The following KAT6B variants were observed in gnomAD, a reference collection of about 807,000 sequenced individuals.
The protein encoded by KAT6B is histone acetyltransferase KAT6B.
Under a neutral mutation model 187.5 loss-of-function variants are expected in KAT6B, and 10 were observed. The ratio of observed to expected loss-of-function variants is 0.05; its 90% confidence interval spans 0.03 to 0.09. The LOEUF is 0.09. KAT6B is among the 10% of genes least tolerant of loss of function. The pLI, the probability that KAT6B is intolerant of heterozygous loss-of-function variation, is 1.00. For missense variants in KAT6B, 1,952 were observed against 2,558.9 expected, an observed-to-expected ratio of 0.76 and a Z score of 5.12; for synonymous variants, 861 against 926.8, an observed-to-expected ratio of 0.93 and a Z score of 1.29.
In KAT6B at chr10:74,843,302, C is replaced by G; in HGVS notation, c.445C>G (p.Gln149Glu). Reference sequence around the variant, plus strand: ...AAGCACCACCAACAACCCAGCCTTTCAGCAGCGGCTGCGACTGGGGGCCAA... The same window carrying G: ...AAGCACCACCAACAACCCAGCCTTTGAGCAGCGGCTGCGACTGGGGGCCAA... ...LTSTTNNPAF[Q>E]QRLRLGAKRA... The change falls in exon 3 of 18, where the codon CAG becomes GAG. Residue 149 changes from glutamine (Q) to glutamate (E), a missense_variant. Gln to Glu is a conservative substitution (Grantham distance 29, BLOSUM62 2). Around this residue, in one of 9 missense-constraint regions of KAT6B, gnomAD observed 218 missense variants for 282.6 expected, o/e 0.77. Transcript: ENST00000287239. The G allele has an allele frequency of 6.2e-7, 1 of 1,613,740 alleles. No homozygotes were observed. Among genetic ancestry groups the G allele is most frequent in the Non-Finnish European group, 8.5e-7 (1 of 1,179,854 alleles).
intron 3 of KAT6B, among the ~76,000 whole-genome samples, chr10:74,868,657 T>G (rs530845358): frequency 6.6e-6 from 1 of 152,218 alleles, no homozygotes; most frequent in Non-Finnish European, 1.5e-5. Context: ...CCCTAGAGCC[T>G]TTCGATTCAG....
In KAT6B at chr10:75,025,708, G is replaced by A. The variant is rs185314434; in HGVS notation, c.3664+459G>A. The A allele has an allele frequency of 2.6e-3, 547 of 212,662 alleles. 2 individuals are homozygous for A. Among genetic ancestry groups the A allele is most frequent in the Non-Finnish European group, 2.0e-3 (213 of 104,726 alleles). 13.2% of individuals were successfully genotyped at this position (212,662 alleles called of 1,614,324 possible). A position where few individuals can be genotyped will look rare whatever the true frequency, so the allele number is the denominator to read the frequency against. ...AGTACATTTTATAATCAGTAGTGTC[G>A]TAGTATATACTACTATAAAGATTCA... On this transcript the variant is annotated intron_variant, in intron 17 of 17. Coordinates refer to ENST00000287239, the MANE Select transcript of KAT6B (RefSeq NM_012330.4).
At chr10:74,951,314 T>TAG (rs567084854) in intron 3 of KAT6B, among the ~76,000 whole-genome samples, 2 of 152,124 alleles carry the variant, frequency 1.3e-5, no homozygotes, top group South Asian at 4.2e-4. Context: ...ATTTTTTAAG[T>TAG]AGAGACGGGG....
intron 3 of KAT6B, among the ~76,000 whole-genome samples, chr10:74,938,348 C>T (rs923306816): frequency 3.9e-5 from 6 of 152,172 alleles, no homozygotes; most frequent in African/African-American, 1.4e-4. Flanking sequence ...CCCCACCCCC[C>T]AGCTATCCCC....
chr10:74,989,261 T>C, intron 13 of KAT6B, 149 bp downstream of exon 13: 2 of 680,704 alleles, frequency 2.9e-6, no homozygotes, highest in East Asian at 5.5e-5. Flanking sequence ...GGTTAGAACA[T>C]CTTCCTCAAG....
At chr10:75,001,836 A>G (rs897046901) in intron 13 of KAT6B, among the ~76,000 whole-genome samples, 1 of 151,424 alleles carries the variant, frequency 6.6e-6, no homozygotes, top group Non-Finnish European at 1.5e-5. Flanking sequence ...GATTCCAGTA[A>G]GCCGTTTCAC....
chr10:74,886,701 C>G (rs1262160166), intron 3 of KAT6B, among the ~76,000 whole-genome samples: 1 of 152,202 alleles, frequency 6.6e-6, no homozygotes. Flanking sequence ...ACCTTACCTG[C>G]CCATTAAGTG....
At position 75,029,732 on chromosome 10, in the gene KAT6B, C is replaced by T. The variant is rs773357891; in HGVS notation, c.4908C>T (p.Ile1636=). 1 of 1,614,206 alleles carries T rather than the reference C, an allele frequency of 6.2e-7. No individual in the cohort carries two copies. Among genetic ancestry groups the T allele is most frequent in the Non-Finnish European group, 8.5e-7 (1 of 1,180,042 alleles). Residue 1636 remains isoleucine (I), a synonymous_variant, in exon 18 of 18, where the codon ATC becomes ATT. Coordinates refer to ENST00000287239, the MANE Select transcript of KAT6B (RefSeq NM_012330.4). The surrounding 1 kb of genome is among the most constrained non-coding windows in gnomAD (Gnocchi z 6.2). ...YAQISPDQSA[I]SVPSLQNMET... ...AAATCAGCCCAGATCAAAGTGCCAT[C>T]TCAGTGCCATCTCTGCAGAACATGG...
chr10:74,948,653 G>A (rs998890760), intron 3 of KAT6B, among the ~76,000 whole-genome samples: 1 of 152,180 alleles, frequency 6.6e-6, no homozygotes, highest in Non-Finnish European at 1.5e-5. Flanking sequence ...TGAATGCCTT[G>A]GGGCAACTGC....
intron 3 of KAT6B, among the ~76,000 whole-genome samples, chr10:74,918,043 T>A (rs1299429448): frequency 1.3e-5 from 2 of 152,238 alleles, no homozygotes; most frequent in African/African-American, 4.8e-5. Flanking sequence ...TCATACTTAA[T>A]GAGCATTTAA....
At chr10:74,867,053 T>A (rs1006550941) in intron 3 of KAT6B, among the ~76,000 whole-genome samples, 4 of 152,214 alleles carry the variant, frequency 2.6e-5, no homozygotes, top group Non-Finnish European at 5.9e-5. Context: ...TGTATGTTGG[T>A]TTATCATCAT....
At chr10:74,841,643 C>T (rs1466577315) in intron 2 of KAT6B, among the ~76,000 whole-genome samples, 3 of 152,104 alleles carry the variant, frequency 2.0e-5, no homozygotes. Context: ...GGGTGAATTC[C>T]ATCTTCTCCC....
At chr10:75,023,492 A>G (rs1349860640) in intron 16 of KAT6B, 4 of 152,256 alleles carry the variant, frequency 2.6e-5, no homozygotes, top group Non-Finnish European at 5.9e-5. Context: ...AAAACTATCA[A>G]AAACCAGAAT....
At chr10:74,905,493 T>G (rs1846690845) in intron 3 of KAT6B, among the ~76,000 whole-genome samples, 1 of 152,128 alleles carries the variant, frequency 6.6e-6, no homozygotes, top group Non-Finnish European at 1.5e-5. Flanking sequence ...TCTGCTGCCT[T>G]TTGCTCCTTT....
intron 3 of KAT6B, among the ~76,000 whole-genome samples, chr10:74,890,829 T>C (rs950906157): frequency 2.0e-5 from 3 of 152,256 alleles, no homozygotes; most frequent in African/African-American, 7.2e-5. Flanking sequence ...GATTTTATGA[T>C]ATATGTTCAA....
intron 3 of KAT6B, among the ~76,000 whole-genome samples, chr10:74,888,422 T>A (rs1845436573): frequency 6.6e-6 from 1 of 152,038 alleles, no homozygotes; most frequent in Non-Finnish European, 1.5e-5. Context: ...CTAGAATAAA[T>A]GGGCAAAAGA....
intron 11 of KAT6B, chr10:74,984,620 G>A (rs548735161): frequency 8.7e-5 from 14 of 160,414 alleles, no homozygotes; most frequent in Admixed American, 7.2e-4. Flanking sequence ...CACTTCTGAG[G>A]AATCAGAATA....
intron 4 of KAT6B, 30 bp downstream of exon 4, chr10:74,960,108 A>C: frequency 7.7e-7 from 1 of 1,296,920 alleles, no homozygotes; most frequent in Middle Eastern, 1.8e-4. Context: ...TGTGTTGTAC[A>C]ATGACTTCCC....
rs543933154 is a variant in KAT6B at position 74,945,696 on chromosome 10, C to T, written c.622-14274C>T. On this transcript the variant is annotated intron_variant, in intron 3 of 17. Coordinates refer to ENST00000287239, the MANE Select transcript of KAT6B (RefSeq NM_012330.4). ...AACTCCTGAGCTCAAGTGATCCGCCCGCCTCAGCCTCCCAAAGTGCTGGGA... is the reference window on the plus strand; with the variant it reads ...AACTCCTGAGCTCAAGTGATCCGCCTGCCTCAGCCTCCCAAAGTGCTGGGA... 1.7e-3 allele frequency among the ~76,000 whole-genome samples: 264 copies of T among 152,208 alleles called. 1 individual carries two copies. Among genetic ancestry groups the T allele is most frequent in the Middle Eastern group, 3.4e-3 (1 of 294 alleles).
Sources: gnomAD v4.1 joint callset for allele counts (sites outside exome capture counted in the v4.1 genomes callset) on GRCh38, gnomAD v4.1.1 for gene constraint, gnomAD v4.1.1 regional missense constraint, Gnocchi (gnomAD v3.1) non-coding constraint, MANE v1.5 for transcripts, NCBI Gene and HGNC (gene_info 2026-07-23, HGNC 2026-07-21) for gene names.